Variants in UGT2A1 observed in about 807,000 individuals in gnomAD.
UGT2A1 encodes the protein UDP glucuronosyltransferase family 2 member A1 complex locus.
Under a neutral mutation model 45.4 loss-of-function variants are expected in UGT2A1, and 61 were observed. That is an observed-to-expected ratio of 1.34 (90% CI 1.09 to 1.66). UGT2A1 has a LOEUF of 1.66. Ranked by LOEUF, UGT2A1 falls within the 40% of genes most tolerant of loss-of-function variation. UGT2A1 has a pLI of 0.00. For missense variants in UGT2A1, 649 were observed against 574.3 expected (o/e 1.13, Z -1.33); for synonymous variants, 229 against 196.2 (o/e 1.17, Z -1.40).
Position 69,647,424 on chromosome 4 carries a change from T to C in UGT2A1, c.221A>G (p.Tyr74Cys), listed in dbSNP as rs1178101672. The change falls in exon 2 of 7, where the codon TAT becomes TGT. Residue 74 changes from tyrosine (Y) to cysteine (C), a missense_variant. By Grantham distance (194) the Tyr-to-Cys change is radical. Transcript: ENST00000286604. ...TSNPSLTFEI[Y>C]KVPFGKERIE... The stretch of plus-strand genomic sequence containing the variant: ...TCTTTCTTTGCCAAAGGGCACCTTA[T>C]ATATTTCAAATGTCAGAGATGGGTT... The C allele has an allele frequency of 3.7e-6, 6 of 1,612,934 alleles. 1 individual carries two copies. Among genetic ancestry groups the C allele is most frequent in the South Asian group, 3.3e-5 (3 of 90,950 alleles).
intron 3 of UGT2A1, among the ~76,000 whole-genome samples, chr4:69,613,592 C>A (rs535954097): frequency 5.3e-5 from 8 of 152,094 alleles, no homozygotes; most frequent in Non-Finnish European, 8.8e-5. Flanking sequence ...ATTTAGCAAT[C>A]TGAATTCAAC....
intron 1 of UGT2A1, among the ~76,000 whole-genome samples, chr4:69,648,650 T>C (rs187391225): frequency 2.0e-5 from 3 of 152,108 alleles, no homozygotes; most frequent in East Asian, 1.9e-4. Context: ...CCCAAAGAGA[T>C]TGAATAATTT....
At chr4:69,618,211 G>GTT (rs762836387) in intron 3 of UGT2A1, among the ~76,000 whole-genome samples, 19,793 of 112,170 alleles carry the variant, frequency 0.18, 1,691 homozygotes, top group Non-Finnish European at 0.24. Flanking sequence ...GTGTGTGTGT[G>GTT]TGTGTATGTT....
chr4:69,641,621 A>G (rs538604535), intron 2 of UGT2A1, among the ~76,000 whole-genome samples: 1 of 152,000 alleles, frequency 6.6e-6, no homozygotes, highest in Non-Finnish European at 1.5e-5. Context: ...GCTTAAATTT[A>G]GATGTACTTT....
chr4:69,632,721 CTA>C (rs1464666923), intron 3 of UGT2A1, among the ~76,000 whole-genome samples: 2 of 151,868 alleles, frequency 1.3e-5, no homozygotes, highest in African/African-American at 4.8e-5. Flanking sequence ...AACCCTGTCT[CTA>C]TTAAAAATAC....
At chr4:69,596,579 G>A (rs1967983) in intron 4 of UGT2A1, among the ~76,000 whole-genome samples, 59,307 of 151,984 alleles carry the variant, frequency 0.39, 11,840 homozygotes, top group East Asian at 0.56. Flanking sequence ...CTGGAGCGCA[G>A]TGGCATGATC....
intron 3 of UGT2A1, among the ~76,000 whole-genome samples, chr4:69,604,367 T>C (rs920090169): frequency 7.4e-6 from 1 of 135,926 alleles, no homozygotes; most frequent in East Asian, 2.1e-4. Flanking sequence ...GACAAGCAAA[T>C]GCTGAGAGAT....
intron 3 of UGT2A1, among the ~76,000 whole-genome samples, chr4:69,626,421 A>T (rs1333288123): frequency 6.6e-6 from 1 of 151,322 alleles, no homozygotes; most frequent in Non-Finnish European, 1.5e-5. Flanking sequence ...CTATTATTGG[A>T]CCACCTACTA....
chr4:69,622,657 A>AG (rs1464224109), intron 3 of UGT2A1, among the ~76,000 whole-genome samples: 4 of 151,664 alleles, frequency 2.6e-5, no homozygotes, highest in Admixed American at 1.3e-4. Flanking sequence ...CTCAAAGGTG[A>AG]GGGGGGCATG....
chr4:69,594,684 G>T lies in UGT2A1; in HGVS notation c.1097C>A (p.Thr366Asn). 3 of 1,613,438 alleles carry T rather than the reference G, an allele frequency of 1.9e-6. No homozygotes were observed. Among genetic ancestry groups the T allele is most frequent in the East Asian group, 2.2e-5 (1 of 44,842 alleles). ...PQNDLLGHPK[T>N]KAFITHGGTN... ...TCCACCATGAGTGATAAAAGCTTTGGTTTTGGGATGTCCTAATTTGAGGAT... is the reference window on the plus strand; with the variant it reads ...TCCACCATGAGTGATAAAAGCTTTGTTTTTGGGATGTCCTAATTTGAGGAT... Residue 366 changes from threonine to asparagine, a missense_variant, in exon 6 of 7, where the codon ACC (threonine) becomes AAC (asparagine). Transcript: ENST00000286604.
intron 6 of UGT2A1, among the ~76,000 whole-genome samples, chr4:69,593,241 T>C (rs1009968657): frequency 6.6e-6 from 1 of 152,054 alleles, no homozygotes; most frequent in African/African-American, 2.4e-5. Context: ...CCTAAATATT[T>C]TGGAATAAAT....
At chr4:69,639,833 G>A (rs887281884) in intron 2 of UGT2A1, among the ~76,000 whole-genome samples, 1 of 151,798 alleles carries the variant, frequency 6.6e-6, no homozygotes, top group Non-Finnish European at 1.5e-5. Context: ...AATAAAATCT[G>A]GTTCTTTTTA....
At position 69,589,477 on chromosome 4, in the gene UGT2A1, C is replaced by A. The variant is rs757568823; in HGVS notation, c.1479G>T (p.Gly493=). ...CCGTTGTCACACAGACCAGCAAGAA[C>A]CCAATTACATCCAAAGAGTGGTACT... is the stretch of plus-strand genomic sequence containing the variant. The part of the protein sequence containing the change: ...WFQYHSLDVI[G]FLLVCVTTAI... Residue 493 remains glycine (G), a synonymous_variant, in exon 7 of 7, where the codon GGG becomes GGT. Transcript: ENST00000286604. The A allele has an allele frequency of 1.2e-6, 2 of 1,613,896 alleles. No individual in the cohort carries two copies. Among genetic ancestry groups the A allele is most frequent in the Non-Finnish European group, 1.7e-6 (2 of 1,180,008 alleles).
rs1231581921 is a variant in UGT2A1 at position 69,589,580 on chromosome 4, A to C, written c.1376T>G (p.Val459Gly). ...DQPVKPLDRAVFWIEFVMRHK... is the reference protein window; with the variant it reads ...DQPVKPLDRAGFWIEFVMRHK... ...GCGCATGACAAACTCGATCCAGAAG[A>C]CTGCTCGATCCAGGGGCTTTACAGG... Residue 459 changes from valine (V) to glycine (G), a missense_variant, in exon 7 of 7, where the codon GTC (valine) becomes GGC (glycine). Physicochemically the swap from Val to Gly is moderately radical, Grantham distance 109 (BLOSUM62 -3). Coordinates refer to ENST00000286604, the MANE Select transcript of UGT2A1 (RefSeq NM_001252275.3). The C allele has an allele frequency of 6.2e-7, 1 of 1,613,908 alleles. No homozygotes were observed. Among genetic ancestry groups the C allele is most frequent in the Non-Finnish European group, 8.5e-7 (1 of 1,179,940 alleles).
chr4:69,613,056 A>T (rs1023006060), intron 3 of UGT2A1, among the ~76,000 whole-genome samples: 3 of 56,218 alleles, frequency 5.3e-5, no homozygotes, highest in African/African-American at 1.8e-4. Flanking sequence ...AACCTCACTA[A>T]AAAAGACAGG....
At chr4:69,651,028 A>C (rs1024019708) in intron 1 of UGT2A1, among the ~76,000 whole-genome samples, 1 of 152,206 alleles carries the variant, frequency 6.6e-6, no homozygotes, top group Non-Finnish European at 1.5e-5. Context: ...ATTTTTGTGG[A>C]GTACATAATA....
At chr4:69,622,906 C>T (rs1720832500) in intron 3 of UGT2A1, among the ~76,000 whole-genome samples, 1 of 151,834 alleles carries the variant, frequency 6.6e-6, no homozygotes, top group Non-Finnish European at 1.5e-5. Flanking sequence ...TATAATTCTG[C>T]TAAGCCAACA....
rs746646593 is a variant in UGT2A1, at chr4:69,647,267, A to G, written c.378T>C (p.Cys126=). Residue 126 remains cysteine (C), a synonymous_variant, in exon 2 of 7, where the codon TGT becomes TGC. Coordinates refer to ENST00000286604, the MANE Select transcript of UGT2A1 (RefSeq NM_001252275.3). ...KDFHMVSQEI[C]DGVLKNQQLM... is the part of the protein sequence containing the mutation. ...GCTGTTGGTTTTTAAGAACGCCATC[A>G]CAGATCTCCTGAGACACCATGTGGA... The G allele has an allele frequency of 1.2e-6, 2 of 1,613,316 alleles. No homozygotes were observed. Among genetic ancestry groups the G allele is most frequent in the Non-Finnish European group, 1.7e-6 (2 of 1,179,558 alleles).
chr4:69,596,848 C>T (rs143732651), intron 4 of UGT2A1, among the ~76,000 whole-genome samples: 66 of 152,244 alleles, frequency 4.3e-4, no homozygotes, highest in African/African-American at 1.3e-3. Flanking sequence ...AGAGGAAACA[C>T]GTCTCTGAAA....
Sources: allele counts gnomAD v4.1 joint callset (sites outside exome capture counted in the v4.1 genomes callset), GRCh38; gene constraint gnomAD v4.1.1; transcripts MANE v1.5; gene names NCBI Gene and HGNC (gene_info 2026-07-23, HGNC 2026-07-21).